Variants in RNF123 observed in about 807,000 individuals in gnomAD.
RNF123 encodes the protein ring finger protein 123.
RNF123 carries 86 observed loss-of-function variants against 168.5 expected under a neutral mutation model. The ratio of observed to expected loss-of-function variants is 0.51; its 90% CI spans 0.43 to 0.61. The LOEUF (loss-of-function observed/expected upper bound fraction) is 0.61. Among genes scored for constraint, RNF123 ranks in the 20% least tolerant of loss-of-function variants. The pLI is 0.00. For synonymous variants in RNF123, 666 were observed against 689.1 expected, an observed-to-expected ratio of 0.97 and a Z score of 0.52; for missense variants, 1,419 against 1,729.7, an observed-to-expected ratio of 0.82 and a Z score of 3.19.
rs746311869 is a variant in RNF123, at chr3:49,721,246, G to C, written c.3886G>C (p.Val1296Leu). 3.7e-6 allele frequency: 6 copies of C among 1,614,174 alleles called. No individual in the cohort carries two copies. Among genetic ancestry groups the C allele is most frequent in the Non-Finnish European group, 5.1e-6 (6 of 1,180,036 alleles). ...KDCFFCKTTIVSVEDWEKGAN... is the reference protein window; with the variant it reads ...KDCFFCKTTILSVEDWEKGAN... Reference sequence around the variant, plus strand: ...CTGCTTCTTCTGCAAAACCACCATCGTGTCTGTAGAGGACTGGGAGAAGGG... The same window carrying C: ...CTGCTTCTTCTGCAAAACCACCATCCTGTCTGTAGAGGACTGGGAGAAGGG... Residue 1296 changes from valine to leucine, a missense_variant, in exon 39 of 39, where the codon GTG (valine) becomes CTG (leucine). Transcript: ENST00000327697.
intron 3 of RNF123, among the ~76,000 whole-genome samples, chr3:49,696,230 C>T (rs967834863): frequency 1.3e-5 from 2 of 152,186 alleles, no homozygotes; most frequent in Admixed American, 6.5e-5. Context: ...CCTTTGAGAG[C>T]GGACAGGTTA....
chr3:49,706,825 A>G lies in RNF123; in HGVS notation c.2423A>G (p.Gln808Arg), dbSNP rs1158362284. Reference sequence around the variant, plus strand: ...ATCCTTGCAGAGTTGACCAAGAGCCAGAAGGTTTTCTCAGAAAAGCTGGAC... The same window carrying G: ...ATCCTTGCAGAGTTGACCAAGAGCCGGAAGGTTTTCTCAGAAAAGCTGGAC... ...KDILAELTKSQKVFSEKLDHL... is the reference protein window; with the variant it reads ...KDILAELTKSRKVFSEKLDHL... Residue 808 changes from glutamine (Q) to arginine (R), a missense_variant, in exon 26 of 39, where the codon CAG becomes CGG. Gln to Arg is a conservative substitution (Grantham distance 43). Transcript: ENST00000327697. 2 of 1,614,090 alleles carry G rather than the reference A, an allele frequency of 1.2e-6. No individual in the cohort carries two copies. Among genetic ancestry groups the G allele is most frequent in the Non-Finnish European group, 1.7e-6 (2 of 1,180,026 alleles).
Position 49,713,743 on chromosome 3 carries a change from C to G in RNF123, c.2755C>G (p.Arg919Gly). Residue 919 changes from arginine to glycine, a missense_variant, in exon 29 of 39, where the codon CGA (arginine) becomes GGA (glycine). Around this residue, in one of 5 missense-constraint regions of RNF123, gnomAD observed 538 missense variants for 708.8 expected, o/e 0.76. Transcript: ENST00000327697. ...GGCACGGTGTGTCCCCGCAGACATC[C>G]GAGACTCACTGATGCAGGCCCTGGC... ...ADARIVGTDI[R>G]DSLMQALASY... 6.2e-7 allele frequency: 1 copy of G among 1,601,034 alleles called. No homozygotes were observed. The highest frequency in any genetic ancestry group is 8.5e-7 in the Non-Finnish European group (1 of 1,174,154).
chr3:49,712,767 CGGGGA>C, intron 27 of RNF123, 111 bp downstream of exon 27: 1 of 1,262,738 alleles, frequency 7.9e-7, no homozygotes, highest in Non-Finnish European at 1.1e-6. Context: ...CTGTGGGGGG[CGGGGA>C]GGGGAGGAGC....
Position 49,698,459 on chromosome 3 carries a change from A to C in RNF123, c.503A>C (p.His168Pro). ...FNQEEGVGDT[H>P]NSYAYDGNRV... ...CCCTAGGAGGGGGTTGGAGATACAC[A>C]CAACTCCTATGCCTATGATGGCAAC... The change falls in exon 8 of 39, where the codon CAC becomes CCC. Residue 168 changes from histidine to proline, a missense_variant. This residue lies in a region of RNF123 where 318 missense variants were observed against 446.6 expected (regional missense o/e 0.71). Coordinates refer to ENST00000327697, the MANE Select transcript of RNF123 (RefSeq NM_022064.5). 1.2e-6 allele frequency: 2 copies of C among 1,613,862 alleles called. No individual in the cohort carries two copies. Among genetic ancestry groups the C allele is most frequent in the African/African-American group, 1.3e-5 (1 of 75,036 alleles).
At chr3:49,700,849 C>G (rs915621250) in intron 15 of RNF123, 140 bp downstream of exon 15, 1 of 886,148 alleles carries the variant, frequency 1.1e-6, no homozygotes, top group African/African-American at 1.7e-5. Context: ...GGCATTTTCT[C>G]TACAGAGCAA....
intron 3 of RNF123, among the ~76,000 whole-genome samples, chr3:49,691,840 C>G (rs902634876): frequency 9.2e-5 from 14 of 152,244 alleles, no homozygotes; most frequent in Admixed American, 7.2e-4. Context: ...AGCCTGGCCC[C>G]TTGTAGCTTC....
chr3:49,693,693 C>T (rs145452881), intron 3 of RNF123, among the ~76,000 whole-genome samples: 9 of 152,220 alleles, frequency 5.9e-5, no homozygotes, highest in African/African-American at 1.7e-4. Flanking sequence ...AAACTGTTCT[C>T]GATAGTGATT....
Position 49,706,470 on chromosome 3 carries a change from C to G in RNF123, c.2389-321C>G, listed in dbSNP as rs559201760. ...AGCTTCCCTGACAGCCCCCACCCAC[C>G]CCGACCTGTCAGCAGATCCCTGGGT... On this transcript the variant is annotated intron_variant, in intron 25 of 38. Transcript: ENST00000327697. Among the ~76,000 whole-genome samples, 46 of 152,284 alleles carry G rather than the reference C, an allele frequency of 3.0e-4. 1 individual carries two copies. The highest frequency in any genetic ancestry group is 6.8e-3 in the Middle Eastern group (2 of 294).
intron 1 of RNF123, among the ~76,000 whole-genome samples, chr3:49,690,511 G>A (rs1471602226): frequency 2.6e-5 from 4 of 152,248 alleles, no homozygotes; most frequent in African/African-American, 9.7e-5. Flanking sequence ...AGGACCAATG[G>A]AGTTTGCCAT....
At chr3:49,691,972 A>C (rs2054174743) in intron 3 of RNF123, among the ~76,000 whole-genome samples, 1 of 152,266 alleles carries the variant, frequency 6.6e-6, no homozygotes, top group African/African-American at 2.4e-5. Flanking sequence ...GGCCAGGCAC[A>C]GTGGTTCACA....
At position 49,721,508 on chromosome 3, in the gene RNF123, C is replaced by T. The variant is rs2080407520; in HGVS notation, c.*203C>T. The stretch of plus-strand genomic sequence containing the variant: ...GACTTTCAGTCAGGGCCACAGTGAG[C>T]ATTAAATTATTATTCCATACAGCCC... On this transcript the variant is annotated 3_prime_UTR_variant, in exon 39 of 39. Coordinates refer to ENST00000327697, the MANE Select transcript of RNF123 (RefSeq NM_022064.5). 9.5e-6 allele frequency: 8 copies of T among 845,776 alleles called. No homozygotes were observed. The East Asian group carries it at 2.0e-4, about 22-fold the overall frequency. The allele number at this position is 845,776 out of a possible 1,614,324, so 52.4% of individuals were successfully genotyped here. A position where few individuals can be genotyped will look rare whatever the true frequency, so the allele number is the denominator to read the frequency against.
rs745844936 is a variant in RNF123 at position 49,715,914 on chromosome 3, G to A, written c.3243G>A (p.Leu1081=). The change falls in exon 33 of 39, where the codon CTG becomes CTA. Residue 1081 remains leucine (L), a synonymous_variant. Coordinates refer to ENST00000327697, the MANE Select transcript of RNF123 (RefSeq NM_022064.5). ...CCTGCTTTGACCTCTCGGTCAGCCTGCTGCGTGTCTTGGAGATGACTATCA... is the reference window on the plus strand; with the variant it reads ...CCTGCTTTGACCTCTCGGTCAGCCTACTGCGTGTCTTGGAGATGACTATCA... ...CATCFDLSVS[L]LRVLEMTITL... 1 of 1,614,116 alleles carries A rather than the reference G, an allele frequency of 6.2e-7. No homozygotes were observed. Among genetic ancestry groups the A allele is most frequent in the African/African-American group, 1.3e-5 (1 of 75,084 alleles).
At chr3:49,703,925 A>G (rs1004764970) in intron 21 of RNF123, among the ~76,000 whole-genome samples, 2 of 152,164 alleles carry the variant, frequency 1.3e-5, no homozygotes, top group Non-Finnish European at 2.9e-5. Flanking sequence ...GCCGCAGTGT[A>G]TACGCCGGAG....
intron 7 of RNF123, 138 bp downstream of exon 7, chr3:49,698,275 C>A: frequency 1.1e-6 from 1 of 922,272 alleles, no homozygotes; most frequent in Non-Finnish European, 1.7e-6. Flanking sequence ...AGAAACGTGT[C>A]CCACCCAATC....
At chr3:49,710,240 A>G (rs2080118189) in intron 26 of RNF123, among the ~76,000 whole-genome samples, 1 of 152,124 alleles carries the variant, frequency 6.6e-6, no homozygotes, top group Admixed American at 6.6e-5. Flanking sequence ...TAGTACCTTT[A>G]CAAGCACTTA....
At chr3:49,697,546 C>A in intron 5 of RNF123, 89 bp downstream of exon 5, 1 of 1,082,834 alleles carries the variant, frequency 9.2e-7, no homozygotes, top group Non-Finnish European at 1.3e-6. Flanking sequence ...TCTCTCTACT[C>A]ATCTGATGGG....
chr3:49,707,881 G>A (rs942761657), intron 26 of RNF123, among the ~76,000 whole-genome samples: 4 of 152,152 alleles, frequency 2.6e-5, no homozygotes, highest in Admixed American at 2.6e-4. Context: ...CTCCCACACT[G>A]TCTTCTCAAG....
chr3:49,717,737 T>C, intron 35 of RNF123: 1 of 618,920 alleles, frequency 1.6e-6, no homozygotes, highest in Non-Finnish European at 2.8e-6. Flanking sequence ...GGCCTTTGGG[T>C]CCTGTGCAGG....
Sources: gnomAD v4.1 joint callset for allele counts (sites outside exome capture counted in the v4.1 genomes callset) on GRCh38, gnomAD v4.1.1 for gene constraint, gnomAD v4.1.1 regional missense constraint, MANE v1.5 for transcripts, NCBI Gene and HGNC (gene_info 2026-07-23, HGNC 2026-07-21) for gene names.